PHYHD1: variants seen among roughly 807,000 people sequenced by gnomAD.
The protein encoded by PHYHD1 is phytanoyl-CoA dioxygenase domain-containing protein 1.
In PHYHD1, 42 loss-of-function variants were observed where a neutral mutation model predicts 43.6. The ratio of observed to expected loss-of-function variants is 0.96; its 90% CI spans 0.75 to 1.25. The LOEUF (loss-of-function observed/expected upper bound fraction) is 1.25. Ranked by LOEUF, PHYHD1 falls within the 50% of genes most tolerant of loss-of-function variation. PHYHD1 has a pLI of 0.00. For synonymous variants in PHYHD1, 139 were observed against 143.6 expected (o/e 0.97, Z 0.23); for missense variants, 342 against 370.8 (o/e 0.92, Z 0.64).
At position 128,941,670 on chromosome 9, in the gene PHYHD1, T is replaced by A. The variant is rs1179208513; in HGVS notation, c.833T>A (p.Leu278His). 1 of 1,614,146 alleles carries A rather than the reference T, an allele frequency of 6.2e-7. No individual in the cohort carries two copies. The highest frequency in any genetic ancestry group is 1.7e-5 in the Admixed American group (1 of 60,022). Residue 278 changes from leucine to histidine, a missense_variant and splice_region_variant, in exon 13 of 13, where the codon CTC (leucine) becomes CAC (histidine). By Grantham distance (99) the Leu-to-His change is moderately conservative (BLOSUM62 -3). Coordinates refer to ENST00000372592, the MANE Select transcript of PHYHD1 (RefSeq NM_001100876.2). ...TGTTTCTCCTCTATCCTCTGCAGGCTCCAGCCAACAGCTGAACTGCCCTTT... is the reference window on the plus strand; with the variant it reads ...TGTTTCTCCTCTATCCTCTGCAGGCACCAGCCAACAGCTGAACTGCCCTTT... ...SGTTWSPENW[L>H]QPTAELPFPQ...
At chr9:128,936,394 G>A in intron 6 of PHYHD1, 54 bp from the exon 7 acceptor site, 1 of 1,572,268 alleles carries the variant, frequency 6.4e-7, no homozygotes, top group Non-Finnish European at 8.6e-7. Context: ...AGAGCTGGGT[G>A]TGGAGGGACA....
chr9:128,941,950 T>G lies in PHYHD1; in HGVS notation c.*237T>G. The G allele has an allele frequency of 8.5e-6, 5 of 588,212 alleles. No homozygotes were observed. Among genetic ancestry groups the G allele is most frequent in the Non-Finnish European group, 1.5e-5 (5 of 331,156 alleles). 36.4% of individuals were successfully genotyped at this position (588,212 alleles called of 1,614,324 possible). ...AGGAGGCTTCTCAGCCACCAAAGGG[T>G]TCTGGCCCCTTCTCACTCTCCTCTC... On this transcript the variant is annotated 3_prime_UTR_variant, in exon 13 of 13. Transcript: ENST00000372592.
At chr9:128,925,261 G>T (rs1246755043) in intron 3 of PHYHD1, among the ~76,000 whole-genome samples, 2 of 148,698 alleles carry the variant, frequency 1.3e-5, no homozygotes, top group Admixed American at 1.4e-4. Flanking sequence ...AGTCTTGCTT[G>T]GTCTTCTAGG....
At chr9:128,926,522 G>C (rs1841137567) in intron 3 of PHYHD1, among the ~76,000 whole-genome samples, 1 of 151,300 alleles carries the variant, frequency 6.6e-6, no homozygotes, top group South Asian at 2.1e-4. Context: ...TTACAGGCGT[G>C]AGCCACTGTG....
In PHYHD1 at chr9:128,927,137, G is replaced by A. The variant is rs17481121; in HGVS notation, c.133G>A (p.Val45Ile). 2 of 1,614,186 alleles carry A rather than the reference G, an allele frequency of 1.2e-6. No individual in the cohort carries two copies. Among genetic ancestry groups the A allele is most frequent in the African/African-American group, 1.3e-5 (1 of 75,056 alleles). Reference protein sequence around the residue: ...RIGEIVAEMDVPLHCRTEFST... With the variant: ...RIGEIVAEMDIPLHCRTEFST... ...TGGCGAGATAGTGGCTGAAATGGATGTTCCTCTCCACTGCCGCACAGAATT... is the reference window on the plus strand; with the variant it reads ...TGGCGAGATAGTGGCTGAAATGGATATTCCTCTCCACTGCCGCACAGAATT... Residue 45 changes from valine (V) to isoleucine (I), a missense_variant, in exon 4 of 13, where the codon GTT becomes ATT. Physicochemically the swap from Val to Ile is conservative, Grantham distance 29. Transcript: ENST00000372592.
At chr9:128,926,558 C>CTT (rs56677426) in intron 3 of PHYHD1, among the ~76,000 whole-genome samples, 3 of 119,106 alleles carry the variant, frequency 2.5e-5, no homozygotes, top group East Asian at 2.4e-4. Flanking sequence ...CTTTTTCTTT[C>CTT]TTTTTTTTTT....
At chr9:128,931,850 T>C (rs1841287355) in intron 4 of PHYHD1, among the ~76,000 whole-genome samples, 1 of 151,488 alleles carries the variant, frequency 6.6e-6, no homozygotes, top group African/African-American at 2.4e-5. Flanking sequence ...TTCTTTCTTT[T>C]TGAGATGGAG....
rs113079114 is a variant in PHYHD1 at position 128,936,591 on chromosome 9, C to G, written c.381C>G (p.Ala127=). The part of the protein sequence containing the change: ...ITHSFKVQTL[A]RSLGLQMPVV... ...CCTTTGCCCCCCTCCAGACCTTGGC[C>G]AGAAGTCTGGGCCTCCAGATGCCCG... The change falls in exon 8 of 13, where the codon GCC becomes GCG. Residue 127 remains alanine (A), a synonymous_variant. Transcript: ENST00000372592. 4.4e-6 allele frequency: 7 copies of G among 1,580,518 alleles called. No homozygotes were observed. The highest frequency in any genetic ancestry group is 2.7e-5 in the African/African-American group (2 of 74,258).
chr9:128,938,375 T>C (rs563396058), intron 9 of PHYHD1, among the ~76,000 whole-genome samples: 23 of 151,938 alleles, frequency 1.5e-4, no homozygotes, highest in Middle Eastern at 6.8e-3. Context: ...TGGGCCCTAG[T>C]CCCTGAGATC....
chr9:128,931,841 TC>T (rs1588249922), intron 4 of PHYHD1, among the ~76,000 whole-genome samples: 2 of 121,728 alleles, frequency 1.6e-5, no homozygotes, highest in African/African-American at 6.3e-5. Context: ...TTTCTTTCTT[TC>T]TTTCTTTTTG....
At position 128,941,713 on chromosome 9, in the gene PHYHD1, A is replaced by C. The variant is rs1439236833; in HGVS notation, c.876A>C (p.Ter292TyrextTer56). ...AELPFPQLYT[*>Y] ...TGCCCTTTCCCCAACTGTACACCTA[A>C]AGGCTCTCGCAGGGCAGGAGCCCTC... The change falls in exon 13 of 13, where the codon TAA becomes TAC. Residue 292 changes from the stop codon to tyrosine, a stop_lost. Coordinates refer to ENST00000372592, the MANE Select transcript of PHYHD1 (RefSeq NM_001100876.2). 1 of 1,614,078 alleles carries C rather than the reference A, an allele frequency of 6.2e-7. No individual in the cohort carries two copies. Among genetic ancestry groups the C allele is most frequent in the African/African-American group, 1.3e-5 (1 of 75,016 alleles).
At chr9:128,924,913 C>T (rs2131095469) in intron 3 of PHYHD1, among the ~76,000 whole-genome samples, 1 of 151,970 alleles carries the variant, frequency 6.6e-6, no homozygotes, top group East Asian at 1.9e-4. Context: ...CCAGCCTGGG[C>T]AACAAGAGTG....
chr9:128,926,917 T>C (rs765115460), intron 3 of PHYHD1, 121 bp from the exon 4 acceptor site: 1 of 1,348,400 alleles, frequency 7.4e-7, no homozygotes, highest in Non-Finnish European at 1.1e-6. Flanking sequence ...ATGCCTGGGG[T>C]TGGGGACAGG....
chr9:128,928,049 G>A (rs1043066164), intron 4 of PHYHD1, among the ~76,000 whole-genome samples: 6 of 152,232 alleles, frequency 3.9e-5, no homozygotes, highest in Admixed American at 6.5e-5. Context: ...AGTTTATTAT[G>A]AGCCTGCTTG....
rs1328666901 is a variant in PHYHD1 at position 128,941,845 on chromosome 9, T to C, written c.*132T>C. 3.2e-6 allele frequency: 4 copies of C among 1,268,756 alleles called. No homozygotes were observed. The African/African-American group carries it at 4.5e-5, about 14-fold the overall frequency. 78.6% of individuals were successfully genotyped at this position (1,268,756 alleles called of 1,614,324 possible). ...CCTCCTGGGCTTTCCTCCTGCCCTG[T>C]GGGCAGCAGCCTAGGCTGGGTCAGG... On this transcript the variant is annotated 3_prime_UTR_variant, in exon 13 of 13. Coordinates refer to ENST00000372592, the MANE Select transcript of PHYHD1 (RefSeq NM_001100876.2).
chr9:128,937,617 G>A lies in PHYHD1; in HGVS notation c.436-140G>A, dbSNP rs560241021. The A allele has an allele frequency of 9.8e-6, 9 of 920,294 alleles. No individual in the cohort carries two copies. The East Asian group carries it at 2.4e-4, about 24-fold the overall frequency. The allele number at this position is 920,294 out of a possible 1,614,324, so 57.0% of individuals were successfully genotyped here. On this transcript the variant is annotated intron_variant, in intron 8 of 12. Transcript: ENST00000372592. ...CCCTCCTGGGGCTGGCATATGGTAG[G>A]TGCTCAGTAGCTGGGTGTTGATGTG...
In PHYHD1 at chr9:128,941,650, C is replaced by A. The variant is rs760404103; in HGVS notation, c.831-18C>A. On this transcript the variant is annotated intron_variant, in intron 12 of 12. Coordinates refer to ENST00000372592, the MANE Select transcript of PHYHD1 (RefSeq NM_001100876.2). ...GTGACCCTGCACCTCAAGGTTGTTT[C>A]TCCTCTATCCTCTGCAGGCTCCAGC... is the stretch of plus-strand genomic sequence containing the variant. 2 of 1,614,194 alleles carry A rather than the reference C, an allele frequency of 1.2e-6. No individual in the cohort carries two copies. The highest frequency in any genetic ancestry group is 2.7e-5 in the African/African-American group (2 of 75,060).
intron 10 of PHYHD1, 24 bp from the exon 11 acceptor site, chr9:128,940,575 A>G (rs1841532616): frequency 1.9e-6 from 3 of 1,613,912 alleles, no homozygotes; most frequent in African/African-American, 1.3e-5. Flanking sequence ...GGAGGAGTTT[A>G]AGGCTCTCCA....
At chr9:128,930,437 A>G (rs1841240443) in intron 4 of PHYHD1, among the ~76,000 whole-genome samples, 1 of 148,266 alleles carries the variant, frequency 6.7e-6, no homozygotes, top group Admixed American at 6.8e-5. Flanking sequence ...AAAATGAGAC[A>G]CTGTCTTTTT....
Sources: allele counts gnomAD v4.1 joint callset (sites outside exome capture counted in the v4.1 genomes callset), GRCh38; gene constraint gnomAD v4.1.1; transcripts MANE v1.5; gene names NCBI Gene and HGNC (gene_info 2026-07-23, HGNC 2026-07-21).